Variants in MME observed in about 807,000 individuals in gnomAD.
MME encodes membrane metalloendopeptidase, also known as neprilysin.
MME carries 98 observed loss-of-function variants against 113.2 expected under a neutral mutation model. The ratio of observed to expected loss-of-function variants is 0.87; its 90% CI spans 0.74 to 1.02. MME has a LOEUF of 1.02. Ranked by LOEUF, MME falls within the 50% of genes least tolerant of loss-of-function variation. The pLI is 0.00. For synonymous variants in MME, 292 were observed against 300.6 expected (o/e 0.97, Z 0.30); for missense variants, 836 against 896.0 (o/e 0.93, Z 0.86).
chr3:155,173,801 A>T (rs982967638), intron 22 of MME, among the ~76,000 whole-genome samples: 1 of 152,084 alleles, frequency 6.6e-6, no homozygotes, highest in African/African-American at 2.4e-5. Flanking sequence ...TAATTTTTTT[A>T]AAGTTGTCTT....
intron 1 of MME, among the ~76,000 whole-genome samples, chr3:155,026,086 AACAGCAGTT>A (rs1204578196): frequency 2.6e-5 from 4 of 152,106 alleles, no homozygotes; most frequent in Non-Finnish European, 5.9e-5. Flanking sequence ...TGGACATTCT[AACAGCAGTT>A]ACATTGATCT....
At chr3:155,109,133 A>G (rs904489159) in intron 3 of MME, among the ~76,000 whole-genome samples, 1 of 152,206 alleles carries the variant, frequency 6.6e-6, no homozygotes, top group African/African-American at 2.4e-5. Flanking sequence ...GTGATTTTGA[A>G]TATAGTATAG....
chr3:155,154,546 T>G (rs1411687251), intron 16 of MME, among the ~76,000 whole-genome samples: 1 of 152,188 alleles, frequency 6.6e-6, no homozygotes, highest in Non-Finnish European at 1.5e-5. Context: ...GAAGTTTTCA[T>G]AAGAGCCAGG....
chr3:155,137,014 T>G (rs747390829), intron 8 of MME, among the ~76,000 whole-genome samples: 2 of 152,152 alleles, frequency 1.3e-5, no homozygotes, highest in African/African-American at 4.8e-5. Context: ...CTAACAAAAG[T>G]GGGACTCCAT....
chr3:155,056,433 GTTT>G (rs747993601), intron 1 of MME, among the ~76,000 whole-genome samples: 26 of 149,382 alleles, frequency 1.7e-4, no homozygotes, highest in Non-Finnish European at 3.7e-4. Context: ...GCAGTGTTTG[GTTT>G]TTTGTTCTTG....
chr3:155,179,271 C>T (rs926201904), intron 22 of MME, among the ~76,000 whole-genome samples: 2 of 152,048 alleles, frequency 1.3e-5, no homozygotes, highest in African/African-American at 4.8e-5. Flanking sequence ...GAGAAATGTA[C>T]CACGAGGAGG....
In MME at chr3:155,181,253, T is replaced by C. The variant is rs1257412411; in HGVS notation, c.*794T>C. 6.6e-6 allele frequency: 1 copy of C among 152,074 alleles called. No homozygotes were observed. The highest frequency in any genetic ancestry group is 6.6e-5 in the Admixed American group (1 of 15,250). The allele number at this position is 152,074 out of a possible 1,614,324, so 9.4% of individuals were successfully genotyped here. On this transcript the variant is annotated 3_prime_UTR_variant, in exon 23 of 23. Coordinates refer to ENST00000360490, the MANE Select transcript of MME (RefSeq NM_007289.4). The stretch of plus-strand genomic sequence containing the variant: ...ATTTATGAGTAACTATTATTATAGG[T>C]AATCAATGAATATTGAAGTTTCAGC...
At chr3:155,138,322 G>C in intron 9 of MME, 86 bp downstream of exon 9, 1 of 1,398,442 alleles carries the variant, frequency 7.2e-7, no homozygotes, top group Non-Finnish European at 1.0e-6. Context: ...AAGAGTAAAA[G>C]GTACAGCACT....
intron 3 of MME, among the ~76,000 whole-genome samples, chr3:155,105,076 G>T (rs1717577950): frequency 6.6e-6 from 1 of 152,094 alleles, no homozygotes; most frequent in African/African-American, 2.4e-5. Context: ...GAAAATAATT[G>T]CCAGTCCTCC....
chr3:155,079,289 G>A (rs1327011083), upstream of MME, among the ~76,000 whole-genome samples: 1 of 152,104 alleles, frequency 6.6e-6, no homozygotes, highest in Non-Finnish European at 1.5e-5. Context: ...GAGCGGGAAA[G>A]AGAGCGAAAG....
intron 16 of MME, among the ~76,000 whole-genome samples, chr3:155,157,608 C>T (rs1044167538): frequency 1.3e-5 from 2 of 152,112 alleles, no homozygotes; most frequent in African/African-American, 4.8e-5. Context: ...TGATTGATCA[C>T]AAATATTAGA....
At chr3:155,028,505 C>T (rs144851757) in intron 1 of MME, among the ~76,000 whole-genome samples, 36 of 152,262 alleles carry the variant, frequency 2.4e-4, no homozygotes, top group African/African-American at 8.4e-4. Context: ...TGCTGTACTA[C>T]CTGCTTTCCA....
chr3:155,136,373 G>T (rs1305232340), intron 8 of MME, among the ~76,000 whole-genome samples: 1 of 152,118 alleles, frequency 6.6e-6, no homozygotes, highest in African/African-American at 2.4e-5. Flanking sequence ...GTTTTATTGA[G>T]ACTTTTCCCA....
intron 3 of MME, among the ~76,000 whole-genome samples, chr3:155,096,032 T>C (rs755119626): frequency 6.6e-6 from 1 of 152,138 alleles, no homozygotes; most frequent in Non-Finnish European, 1.5e-5. Context: ...ATAGTCTGTA[T>C]GCAAGATGGA....
rs1157098046 is a variant in MME at position 155,063,531 on chromosome 3, T to A, written c.-10-20627T>A. On this transcript the variant is annotated intron_variant, in intron 1 of 22. Coordinates refer to the MME transcript ENST00000492661. ...TATATTTAAATATATATATTAAAAA[T>A]ATATATTTAAATAATATATTTATTT... Among the ~76,000 whole-genome samples the A allele has an allele frequency of 3.3e-4, 39 of 117,886 alleles. 1 individual carries two copies. Among genetic ancestry groups the A allele is most frequent in the Non-Finnish European group, 1.8e-4 (11 of 62,210 alleles). The allele number at this position is 117,886 out of a possible 152,430, so 77.3% of individuals were successfully genotyped here. A position where few individuals can be genotyped will look rare whatever the true frequency, so the allele number is the denominator to read the frequency against.
chr3:155,100,459 G>A (rs1029547934), intron 3 of MME, among the ~76,000 whole-genome samples: 1 of 152,204 alleles, frequency 6.6e-6, no homozygotes, highest in African/African-American at 2.4e-5. Context: ...TGGTGGGAGT[G>A]TAAACTAGTT....
Position 155,180,346 on chromosome 3 carries a change from TG to T in MME, c.2154-13del. 6.2e-7 allele frequency: 1 copy of T among 1,606,808 alleles called. No homozygotes were observed. The highest frequency in any genetic ancestry group is 2.2e-5 in the East Asian group (1 of 44,836). On this transcript the variant is annotated splice_polypyrimidine_tract_variant and intron_variant, in intron 22 of 22. Transcript: ENST00000360490. ...ATCAAATGCTGACGGTGACTTTTTT[TG>T]TTTGTTTCAAAGGATTATTGGGACT...
intron 17 of MME, among the ~76,000 whole-genome samples, chr3:155,161,116 T>C (rs982335251): frequency 2.0e-5 from 3 of 152,136 alleles, no homozygotes; most frequent in Non-Finnish European, 4.4e-5. Flanking sequence ...TGACATAATA[T>C]GACAAAAATA....
chr3:155,159,180 A>T (rs1044867299), intron 16 of MME, among the ~76,000 whole-genome samples: 1 of 152,100 alleles, frequency 6.6e-6, no homozygotes, highest in South Asian at 2.1e-4. Context: ...AGTTACTGAC[A>T]TTGTAACTAA....
Sources: gnomAD v4.1 joint callset for allele counts (sites outside exome capture counted in the v4.1 genomes callset) on GRCh38, gnomAD v4.1.1 for gene constraint, MANE v1.5 for transcripts, NCBI Gene and HGNC (gene_info 2026-07-23, HGNC 2026-07-21) for gene names.